Variants in MAP4K5 observed in about 807,000 individuals in gnomAD.
MAP4K5 encodes MAPK/ERK kinase kinase kinase 5.
In MAP4K5, 82 loss-of-function variants were observed where a neutral mutation model predicts 135.6. The ratio of observed to expected loss-of-function variants is 0.60; its 90% CI spans 0.51 to 0.73. The LOEUF (loss-of-function observed/expected upper bound fraction) is 0.73, where lower values mean the gene tolerates loss of function less well. Among genes scored for constraint, MAP4K5 ranks in the 30% least tolerant of loss-of-function variants. The pLI is 0.00. For missense variants in MAP4K5, 907 were observed against 1,010.9 expected (o/e 0.90, Z 1.39); for synonymous variants, 347 against 335.0 (o/e 1.04, Z -0.39).
chr14:50,518,087 A>G (rs554191145), intron 2 of MAP4K5, among the ~76,000 whole-genome samples: 3 of 152,162 alleles, frequency 2.0e-5, no homozygotes, highest in Non-Finnish European at 4.4e-5. Context: ...TTAGATCCAT[A>G]TAAGAAAGTT....
At chr14:50,501,019 G>A (rs533719477) in intron 3 of MAP4K5, among the ~76,000 whole-genome samples, 4 of 152,192 alleles carry the variant, frequency 2.6e-5, no homozygotes, top group African/African-American at 9.6e-5. Context: ...AAAGACCAAT[G>A]GTGGGTAGTA....
chr14:50,556,466 C>A (rs2038766710), intron 1 of MAP4K5, among the ~76,000 whole-genome samples: 1 of 152,156 alleles, frequency 6.6e-6, no homozygotes, highest in African/African-American at 2.4e-5. Flanking sequence ...GATCCTCCCA[C>A]CTCAGCTTCC....
intron 3 of MAP4K5, among the ~76,000 whole-genome samples, chr14:50,504,511 T>A (rs1000919419): frequency 3.9e-5 from 6 of 152,060 alleles, no homozygotes; most frequent in African/African-American, 1.4e-4. Context: ...CTAATCAAAT[T>A]CTCATAAAAG....
intron 8 of MAP4K5, among the ~76,000 whole-genome samples, chr14:50,475,528 GTCATTTTTT>G (rs1235980305): frequency 1.3e-5 from 2 of 151,686 alleles, no homozygotes; most frequent in Admixed American, 6.6e-5. Context: ...TTTTTTTACA[GTCATTTTTT>G]TCTATGTATG....
Position 50,425,949 on chromosome 14 carries a change from GA to G in MAP4K5, c.2354del (p.Phe785SerfsTer30), listed in dbSNP as rs1429423606. ...VVCLQDSVLA[F>X]WKHGMQGKSF... ...TTTTACCCTGCATCCCATGTTTCCA[GA>G]AAGCCAACACACTGTCTTGAAGGCA... On this transcript the variant is annotated frameshift_variant, in exon 31 of 33. Coordinates refer to ENST00000682126, the MANE Select transcript of MAP4K5 (RefSeq NM_006575.6). LOFTEE classifies it high-confidence loss of function. The G allele has an allele frequency of 6.2e-7, 1 of 1,612,490 alleles. No individual in the cohort carries two copies. The highest frequency in any genetic ancestry group is 8.5e-7 in the Non-Finnish European group (1 of 1,179,092).
chr14:50,434,320 CT>C (rs1338756850), intron 28 of MAP4K5, 73 bp downstream of exon 28: 4 of 1,194,268 alleles, frequency 3.3e-6, no homozygotes, highest in Non-Finnish European at 4.7e-6. Flanking sequence ...TGTTTTGCTT[CT>C]TTTATAGGTG....
chr14:50,425,438 A>G (rs1303948526), intron 31 of MAP4K5, among the ~76,000 whole-genome samples: 3 of 152,220 alleles, frequency 2.0e-5, no homozygotes, highest in Admixed American at 1.3e-4. Flanking sequence ...GGTATTATTT[A>G]AAGTTTGATA....
chr14:50,458,897 C>A (rs970717300), intron 13 of MAP4K5, among the ~76,000 whole-genome samples: 1 of 152,124 alleles, frequency 6.6e-6, no homozygotes, highest in African/African-American at 2.4e-5. Context: ...CAGCCTTGAC[C>A]TCTTGCATTA....
rs1176262870 is a variant in MAP4K5, at chr14:50,442,622, G to A, written c.1564+110C>T. On this transcript the variant is annotated intron_variant, in intron 21 of 32. Transcript: ENST00000682126. The stretch of plus-strand genomic sequence containing the variant: ...GTTGTTGCAGGTTCCTATACCATTA[G>A]GTCTCTAAAGTCGTATTTTTAAAAT... 7 of 753,724 alleles carry A rather than the reference G, an allele frequency of 9.3e-6. No individual in the cohort carries two copies. The African/African-American group carries it at 1.3e-4, about 14-fold the overall frequency. The allele number at this position is 753,724 out of a possible 1,614,324, so 46.7% of individuals were successfully genotyped here.
intron 6 of MAP4K5, among the ~76,000 whole-genome samples, chr14:50,481,816 A>G (rs1239299102): frequency 6.6e-6 from 1 of 152,214 alleles, no homozygotes; most frequent in African/African-American, 2.4e-5. Flanking sequence ...CAAACTTACA[A>G]AAAGAGATTC....
chr14:50,511,287 A>G (rs1321534691), intron 2 of MAP4K5, among the ~76,000 whole-genome samples: 2 of 152,226 alleles, frequency 1.3e-5, no homozygotes, highest in African/African-American at 2.4e-5. Context: ...TATTCTGTTA[A>G]GTGAAATTGG....
At chr14:50,514,180 C>G (rs1268705955) in intron 2 of MAP4K5, among the ~76,000 whole-genome samples, 1 of 152,026 alleles carries the variant, frequency 6.6e-6, no homozygotes, top group East Asian at 1.9e-4. Context: ...CAGGCTCAAG[C>G]AATTCTCGTG....
intron 28 of MAP4K5, among the ~76,000 whole-genome samples, chr14:50,430,762 T>A (rs2035951075): frequency 6.6e-6 from 1 of 152,244 alleles, no homozygotes. Flanking sequence ...TAAGAGTTTC[T>A]AAGCTCTTTA....
At chr14:50,455,788 TA>T (rs2036583737) in intron 14 of MAP4K5, among the ~76,000 whole-genome samples, 1 of 152,114 alleles carries the variant, frequency 6.6e-6, no homozygotes, top group African/African-American at 2.4e-5. Context: ...TATTTTAATA[TA>T]AACTACTTTA....
chr14:50,500,263 A>C (rs1282597990), intron 3 of MAP4K5, among the ~76,000 whole-genome samples: 1 of 152,184 alleles, frequency 6.6e-6, no homozygotes. Flanking sequence ...AACAAACAAG[A>C]AAAGTATCAG....
intron 2 of MAP4K5, among the ~76,000 whole-genome samples, chr14:50,525,190 TACCA>T (rs2038236701): frequency 6.6e-6 from 1 of 152,130 alleles, no homozygotes; most frequent in Admixed American, 6.5e-5. Flanking sequence ...TCCTACCACC[TACCA>T]GACACATTCA....
chr14:50,490,706 C>T (rs1049534663), intron 3 of MAP4K5, among the ~76,000 whole-genome samples: 2 of 152,176 alleles, frequency 1.3e-5, no homozygotes, highest in East Asian at 1.9e-4. Flanking sequence ...AAGATACAGC[C>T]TTAGTATCTG....
intron 8 of MAP4K5, 95 bp downstream of exon 8, chr14:50,476,032 CT>C: frequency 1.6e-6 from 1 of 632,726 alleles, no homozygotes; most frequent in Middle Eastern, 4.4e-4. Flanking sequence ...AAAATGAAAT[CT>C]GCATAATGTT....
chr14:50,470,517 T>C (rs1254818662), intron 9 of MAP4K5, among the ~76,000 whole-genome samples: 3 of 152,128 alleles, frequency 2.0e-5, no homozygotes, highest in African/African-American at 2.4e-5. Flanking sequence ...CTGATACTTA[T>C]TGAGGCTTTT....
Sources: allele counts gnomAD v4.1 joint callset (sites outside exome capture counted in the v4.1 genomes callset), GRCh38; gene constraint gnomAD v4.1.1; transcripts MANE v1.5; gene names NCBI Gene and HGNC (gene_info 2026-07-23, HGNC 2026-07-21).